The following PCDHGA5 variants were observed in gnomAD, a reference collection of about 807,000 sequenced individuals.
PCDHGA5 encodes protocadherin gamma subfamily A, 5, also known as protocadherin gamma-A5.
Under a neutral mutation model 56.7 loss-of-function variants are expected in PCDHGA5, and 36 were observed. That is an observed-to-expected ratio of 0.64 (90% CI 0.49 to 0.84). The LOEUF (loss-of-function observed/expected upper bound fraction) is 0.84. PCDHGA5 is among the 40% of genes least tolerant of loss of function. The pLI, the probability that PCDHGA5 is intolerant of heterozygous loss-of-function variation, is 0.00. For synonymous variants in PCDHGA5, 563 were observed against 520.2 expected, an observed-to-expected ratio of 1.08 and a Z score of -1.12; for missense variants, 1,305 against 1,201.5, an observed-to-expected ratio of 1.09 and a Z score of -1.27.
In PCDHGA5 at chr5:141,477,982, G is replaced by A; in HGVS notation, c.2422-16825G>A. ...CTAACCAGAGCCTTTTTGCCATAGG[G>A]CTGCACACTGGTCAAATCAGTACTG... is the stretch of plus-strand genomic sequence containing the variant. On this transcript the variant is annotated intron_variant, in intron 1 of 3. Transcript: ENST00000518069. The surrounding 1 kb of genome is among the most constrained non-coding windows in gnomAD (Gnocchi z 4.9). 6.2e-7 allele frequency: 1 copy of A among 1,614,066 alleles called. No individual in the cohort carries two copies. Among genetic ancestry groups the A allele is most frequent in the Non-Finnish European group, 8.5e-7 (1 of 1,180,014 alleles).
chr5:141,389,780 C>T (rs746524585), intron 1 of PCDHGA5: 1 of 1,613,310 alleles, frequency 6.2e-7, no homozygotes, highest in South Asian at 1.1e-5. Flanking sequence ...CCTTAGGCGA[C>T]AGGGACGCCG....
In PCDHGA5 at chr5:141,365,557, C is replaced by T. The variant is rs1763991052; in HGVS notation, c.1227C>T (p.Asp409=). The T allele has an allele frequency of 1.2e-6, 2 of 1,613,606 alleles. No individual in the cohort carries two copies. The highest frequency in any genetic ancestry group is 1.3e-5 in the African/African-American group (1 of 74,916). ...DNYYHLLTTR[D]LDREETSDYN... ...ACTATCACCTATTAACAACTAGGGA[C>T]CTGGACAGAGAAGAGACTTCAGATT... Residue 409 remains aspartate (D), a synonymous_variant, in exon 1 of 4, where the codon GAC becomes GAT. Coordinates refer to ENST00000518069, the MANE Select transcript of PCDHGA5 (RefSeq NM_018918.3).
chr5:141,484,949 A>C, intron 1 of PCDHGA5: 1 of 557,400 alleles, frequency 1.8e-6, no homozygotes, highest in Non-Finnish European at 3.2e-6. Context: ...TGCTCAGCCT[A>C]TTGGCTGAGC....
At chr5:141,369,170 A>G (rs374004034) in intron 1 of PCDHGA5, among the ~76,000 whole-genome samples, 1 of 152,236 alleles carries the variant, frequency 6.6e-6, no homozygotes, top group Non-Finnish European at 1.5e-5. Flanking sequence ...AAAAGTGTAA[A>G]TAACAAAAAG....
intron 1 of PCDHGA5, chr5:141,404,741 GACT>G: frequency 6.2e-7 from 1 of 1,614,072 alleles, no homozygotes; most frequent in Non-Finnish European, 8.5e-7. Flanking sequence ...AGTGGACAGA[GACT>G]CAGGCCAGAA....
At chr5:141,427,712 C>CCTGG (rs1319672065) in intron 1 of PCDHGA5, 7 of 1,051,350 alleles carry the variant, frequency 6.7e-6, no homozygotes, top group Non-Finnish European at 1.0e-5. Context: ...GCGCCTCTGA[C>CCTGG]CTGGACCTAG....
intron 1 of PCDHGA5, chr5:141,398,687 A>T (rs940121215): frequency 1.9e-6 from 3 of 1,613,940 alleles, no homozygotes; most frequent in Non-Finnish European, 2.5e-6. Context: ...GAGAAACAGG[A>T]TGGTAGTAAA....
chr5:141,505,633 A>C, intron 3 of PCDHGA5, 152 bp downstream of exon 3: 3 of 1,471,286 alleles, frequency 2.0e-6, no homozygotes, highest in South Asian at 1.3e-5. Context: ...TCCAAACATA[A>C]AGCCTGGAAT....
In PCDHGA5 at chr5:141,428,146, C is replaced by G. The variant is rs549173211; in HGVS notation, c.2421+61395C>G. The G allele has an allele frequency of 1.3e-5, 21 of 1,589,348 alleles. No individual in the cohort carries two copies. The East Asian group carries it at 4.0e-4, about 30-fold the overall frequency. Reference sequence around the variant, plus strand: ...GGGCTTTTCAGCCTGGGGCTGCACACGGGAACCTGCTGGTTGCTGTGCGTG... The same window carrying G: ...GGGCTTTTCAGCCTGGGGCTGCACAGGGGAACCTGCTGGTTGCTGTGCGTG... On this transcript the variant is annotated intron_variant, in intron 1 of 3. Transcript: ENST00000518069.
rs754178145 is a variant in PCDHGA5 at position 141,489,423 on chromosome 5, C to G, written c.2422-5384C>G. On this transcript the variant is annotated intron_variant, in intron 1 of 3. Transcript: ENST00000518069. The surrounding 1 kb of genome is among the most constrained non-coding windows in gnomAD (Gnocchi z 4.5). ...GCTTAAAGATGACAGATCTGTTGAG[C>G]CGGCGGCTGCAATTGGGCTCTGAGG... 3 of 1,614,098 alleles carry G rather than the reference C, an allele frequency of 1.9e-6. No individual in the cohort carries two copies. The highest frequency in any genetic ancestry group is 1.7e-5 in the Admixed American group (1 of 60,020).
chr5:141,371,502 A>G lies in PCDHGA5; in HGVS notation c.2421+4751A>G, dbSNP rs1767800690. 4 of 1,613,820 alleles carry G rather than the reference A, an allele frequency of 2.5e-6. No individual in the cohort carries two copies. In the African/African-American group the frequency reaches 4.0e-5, roughly 16 times the overall value. On this transcript the variant is annotated intron_variant, in intron 1 of 3. Transcript: ENST00000518069. ...GCTGGGGACTGCCGTTGCCCTGATC[A>G]AAACACATGATCTAGATTCTGGATT...
chr5:141,481,679 C>T (rs2099541734), intron 1 of PCDHGA5, among the ~76,000 whole-genome samples: 1 of 151,948 alleles, frequency 6.6e-6, no homozygotes, highest in Non-Finnish European at 1.5e-5. Context: ...TCAGGCCGGG[C>T]CTGGTGGCTC....
intron 1 of PCDHGA5, among the ~76,000 whole-genome samples, chr5:141,401,123 C>A (rs1289456548): frequency 1.3e-5 from 2 of 152,156 alleles, no homozygotes; most frequent in Non-Finnish European, 2.9e-5. Flanking sequence ...GCGGTTGGAT[C>A]ACATGGTCAG....
Position 141,477,304 on chromosome 5 carries a change from T to C in PCDHGA5, c.2422-17503T>C. The C allele has an allele frequency of 6.2e-7, 1 of 1,614,160 alleles. No individual in the cohort carries two copies. Among genetic ancestry groups the C allele is most frequent in the Non-Finnish European group, 8.5e-7 (1 of 1,180,030 alleles). ...CCTGCGAAGTTCCACCGGGTCTCCCTTTCAGCCTTACTTCTTCCCTCAAGA... is the reference window on the plus strand; with the variant it reads ...CCTGCGAAGTTCCACCGGGTCTCCCCTTCAGCCTTACTTCTTCCCTCAAGA... On this transcript the variant is annotated intron_variant, in intron 1 of 3. Transcript: ENST00000518069. This position sits in a 1 kb window ranked among gnomAD's most constrained non-coding sequence, Gnocchi z 4.9.
chr5:141,425,843 G>A (rs2096898027), intron 1 of PCDHGA5, among the ~76,000 whole-genome samples: 1 of 152,118 alleles, frequency 6.6e-6, no homozygotes, highest in African/African-American at 2.4e-5. Flanking sequence ...TCTCTTTGCT[G>A]GGTTAATGAC....
intron 1 of PCDHGA5, chr5:141,383,573 C>T: frequency 8.1e-6 from 13 of 1,613,346 alleles, no homozygotes; most frequent in Non-Finnish European, 1.1e-5. Context: ...CGATCCAGCA[C>T]CGCCCACATC....
In PCDHGA5 at chr5:141,475,486, T is replaced by C. The variant is rs576743657; in HGVS notation, c.2422-19321T>C. Among the ~76,000 whole-genome samples, 14 of 152,370 alleles carry C rather than the reference T, an allele frequency of 9.2e-5. No homozygotes were observed. In the East Asian group the frequency reaches 2.7e-3, roughly 29 times the overall value. On this transcript the variant is annotated intron_variant, in intron 1 of 3. Transcript: ENST00000518069. ...AATGCTAATTTCATTTGGTAAGAGA[T>C]AAAACTGAAATTATTAATGTCTCCA...
rs562156266 is a variant in PCDHGA5, at chr5:141,467,826, T to C, written c.2422-26981T>C. On this transcript the variant is annotated intron_variant, in intron 1 of 3. Transcript: ENST00000518069. ...GGCACATGCCACCACACCAGGCTGA[T>C]TTTTATATTTTTTTGTAGAATGAGA... Among the ~76,000 whole-genome samples, 96 of 151,894 alleles carry C rather than the reference T, an allele frequency of 6.3e-4. 3 individuals carry two copies. Among genetic ancestry groups the C allele is most frequent in the Admixed American group, 6.2e-3 (95 of 15,236 alleles).
At chr5:141,504,959 T>C (rs1297800554) in intron 2 of PCDHGA5, among the ~76,000 whole-genome samples, 2 of 152,038 alleles carry the variant, frequency 1.3e-5, no homozygotes, top group Non-Finnish European at 2.9e-5. Flanking sequence ...GTTCAATGCA[T>C]TGGACCAGCC....
Sources: gnomAD v4.1 joint callset for allele counts (sites outside exome capture counted in the v4.1 genomes callset) on GRCh38, gnomAD v4.1.1 for gene constraint, Gnocchi (gnomAD v3.1) non-coding constraint, MANE v1.5 for transcripts, NCBI Gene and HGNC (gene_info 2026-07-23, HGNC 2026-07-21) for gene names.